Variants in CADPS2 observed in about 807,000 individuals in gnomAD.
The protein encoded by CADPS2 is calcium-dependent secretion activator 2.
Under a neutral mutation model 172.5 loss-of-function variants are expected in CADPS2, and 93 were observed. The observed-to-expected ratio is 0.54, with a 90% CI of 0.46 to 0.64. The LOEUF is 0.64. Ranked by LOEUF, CADPS2 falls within the 30% of genes least tolerant of loss-of-function variation. The probability of loss-of-function intolerance (pLI) is 0.00; values close to 1 mark genes in which losing one functional copy is unlikely to be tolerated. For missense variants in CADPS2, 1,420 were observed against 1,565.9 expected (o/e 0.91, Z 1.57); for synonymous variants, 546 against 555.2 (o/e 0.98, Z 0.23).
At chr7:122,849,616 GT>G (rs1396741360) in intron 1 of CADPS2, 2 of 249,910 alleles carry the variant, frequency 8.0e-6, no homozygotes, top group Non-Finnish European at 1.6e-5. Context: ...TTAACAAATT[GT>G]TATTAAGCAT....
chr7:122,640,540 A>C (rs1384766259), intron 3 of CADPS2, among the ~76,000 whole-genome samples: 1 of 152,136 alleles, frequency 6.6e-6, no homozygotes, highest in Non-Finnish European at 1.5e-5. Flanking sequence ...GGGGAGAAGA[A>C]ATAAATAAAA....
At chr7:122,725,443 T>C (rs2090984087) in intron 2 of CADPS2, among the ~76,000 whole-genome samples, 1 of 151,902 alleles carries the variant, frequency 6.6e-6, no homozygotes, top group Non-Finnish European at 1.5e-5. Context: ...AGTGTAGTTG[T>C]GTTATATCAT....
Position 122,455,379 on chromosome 7 carries a change from CCTTT to C in CADPS2, c.2187-3908_2187-3905del, listed in dbSNP as rs779964500. On this transcript the variant is annotated intron_variant, in intron 14 of 29. Transcript: ENST00000449022. ...AAAGTGTATTTCCCATTCCCATAGA[CCTTT>C]CTATTTTTTAATAATAATATTTATT... Among the ~76,000 whole-genome samples the C allele has an allele frequency of 2.0e-4, 31 of 151,778 alleles. No homozygotes were observed. In the East Asian group the frequency reaches 4.3e-3, roughly 21 times the overall value.
chr7:122,472,016 T>A (rs1169759513), intron 13 of CADPS2, among the ~76,000 whole-genome samples: 1 of 152,246 alleles, frequency 6.6e-6, no homozygotes, highest in Non-Finnish European at 1.5e-5. Context: ...ATTTGGGAAC[T>A]TAAATATCTG....
At chr7:122,335,454 G>C (rs1315727320) in intron 28 of CADPS2, among the ~76,000 whole-genome samples, 1 of 152,104 alleles carries the variant, frequency 6.6e-6, no homozygotes, top group African/African-American at 2.4e-5. Flanking sequence ...TCACCATGTT[G>C]AAAGTTCACA....
At chr7:122,860,756 T>G (rs766834341) in intron 1 of CADPS2, among the ~76,000 whole-genome samples, 2 of 152,160 alleles carry the variant, frequency 1.3e-5, no homozygotes, top group Non-Finnish European at 2.9e-5. Flanking sequence ...TTCCCAGCCC[T>G]TGGTAACCAC....
At chr7:122,405,275 C>T (rs2046507458) in intron 20 of CADPS2, among the ~76,000 whole-genome samples, 1 of 152,150 alleles carries the variant, frequency 6.6e-6, no homozygotes, top group South Asian at 2.1e-4. Flanking sequence ...ACTGTAATTT[C>T]ATAGCAGAAA....
intron 8 of CADPS2, among the ~76,000 whole-genome samples, chr7:122,541,256 G>T (rs2062893700): frequency 6.7e-6 from 1 of 150,310 alleles, no homozygotes; most frequent in Non-Finnish European, 1.5e-5. Flanking sequence ...GAGTGCAATG[G>T]TGTGATCTCG....
At chr7:122,492,629 G>A (rs1395361010) in intron 9 of CADPS2, among the ~76,000 whole-genome samples, 4 of 152,110 alleles carry the variant, frequency 2.6e-5, no homozygotes, top group Non-Finnish European at 5.9e-5. Flanking sequence ...CTGTTTGGTG[G>A]ATATACATCT....
At chr7:122,756,340 T>C (rs932576824) in intron 1 of CADPS2, among the ~76,000 whole-genome samples, 6 of 152,180 alleles carry the variant, frequency 3.9e-5, no homozygotes, top group African/African-American at 1.2e-4. Flanking sequence ...CATCTAAATA[T>C]ACAATAGTCA....
In CADPS2 at chr7:122,732,804, T is replaced by TA. The variant is rs57267990; in HGVS notation, c.453+4150_453+4151insT. 2.7e-3 allele frequency among the ~76,000 whole-genome samples: 386 copies of TA among 140,580 alleles called. 1 individual carries two copies. Among genetic ancestry groups the TA allele is most frequent in the African/African-American group, 9.8e-3 (357 of 36,494 alleles). 92.2% of individuals were successfully genotyped at this position (140,580 alleles called of 152,430 possible). A position where few individuals can be genotyped will look rare whatever the true frequency, so the allele number is the denominator to read the frequency against. ...GTATATAATATATATACATTATATATTATATACATAATGTATATTATATAT... is the reference window on the plus strand; with the variant it reads ...GTATATAATATATATACATTATATATATATATACATAATGTATATTATATAT... On this transcript the variant is annotated intron_variant, in intron 2 of 29. Coordinates refer to ENST00000449022, the MANE Select transcript of CADPS2 (RefSeq NM_017954.11).
At chr7:122,820,858 C>T (rs1004690918) in intron 1 of CADPS2, among the ~76,000 whole-genome samples, 2 of 117,018 alleles carry the variant, frequency 1.7e-5, no homozygotes, top group Non-Finnish European at 3.7e-5. Flanking sequence ...CGCGCCCGGC[C>T]GACCTTACTG....
chr7:122,509,326 C>A (rs913974647), intron 9 of CADPS2, among the ~76,000 whole-genome samples: 89 of 152,176 alleles, frequency 5.8e-4, no homozygotes, highest in Non-Finnish European at 2.4e-4. Context: ...TGACTGTTTA[C>A]ATCCCGTGCC....
intron 17 of CADPS2, among the ~76,000 whole-genome samples, chr7:122,431,392 G>T (rs926849927): frequency 6.6e-6 from 1 of 152,108 alleles, no homozygotes; most frequent in Non-Finnish European, 1.5e-5. Context: ...TATAATAAGC[G>T]CTGTGGAAGA....
intron 7 of CADPS2, among the ~76,000 whole-genome samples, chr7:122,567,414 G>T (rs1176318381): frequency 6.6e-6 from 1 of 152,138 alleles, no homozygotes; most frequent in Non-Finnish European, 1.5e-5. Context: ...GATTACAAAA[G>T]CATCGACTTT....
intron 3 of CADPS2, among the ~76,000 whole-genome samples, chr7:122,656,866 G>C (rs142284163): frequency 0.01 from 1,525 of 152,258 alleles, 12 homozygotes; most frequent in Non-Finnish European, 0.014. Flanking sequence ...TGGTGTTTTA[G>C]ACATGAAGTC....
chr7:122,447,935 A>AT (rs369889182), intron 15 of CADPS2, among the ~76,000 whole-genome samples: 6 of 151,856 alleles, frequency 4.0e-5, no homozygotes, highest in South Asian at 2.1e-4. Context: ...TAAAAGGAAC[A>AT]TTTTTTTTAG....
intron 20 of CADPS2, among the ~76,000 whole-genome samples, chr7:122,406,037 A>C (rs2046599435): frequency 6.6e-6 from 1 of 152,216 alleles, no homozygotes; most frequent in Admixed American, 6.5e-5. Flanking sequence ...CTAGCACCAA[A>C]GCTCATGTTG....
At chr7:122,643,962 G>A (rs889239544) in intron 3 of CADPS2, among the ~76,000 whole-genome samples, 2 of 152,090 alleles carry the variant, frequency 1.3e-5, no homozygotes, top group Admixed American at 6.5e-5. Flanking sequence ...GGTAGCTCAT[G>A]CCTGTAATCC....
Sources: allele counts gnomAD v4.1 joint callset (sites outside exome capture counted in the v4.1 genomes callset), GRCh38; gene constraint gnomAD v4.1.1; transcripts MANE v1.5; gene names NCBI Gene and HGNC (gene_info 2026-07-23, HGNC 2026-07-21).